GPC5: variants seen among roughly 807,000 people sequenced by gnomAD.
GPC5 encodes the protein glypican-5.
Under a neutral mutation model 53.9 loss-of-function variants are expected in GPC5, and 47 were observed. The observed-to-expected ratio is 0.87, with a 90% CI of 0.69 to 1.11. The LOEUF is 1.11. Among genes scored for constraint, GPC5 ranks in the 50% most tolerant of loss-of-function variants. The probability of loss-of-function intolerance (pLI) is 0.00; values close to 1 mark genes in which losing one functional copy is unlikely to be tolerated. For missense variants in GPC5, 748 were observed against 713.1 expected (o/e 1.05, Z -0.56); for synonymous variants, 286 against 263.3 (o/e 1.09, Z -0.84).
chr13:91,746,339 TA>T (rs540127314), intron 4 of GPC5, among the ~76,000 whole-genome samples: 13 of 151,346 alleles, frequency 8.6e-5, no homozygotes, highest in East Asian at 5.8e-4. Flanking sequence ...ACTTTAGGGG[TA>T]AAAAAAAATC....
intron 7 of GPC5, among the ~76,000 whole-genome samples, chr13:92,740,918 ATGTGCATATGTATGCATGTATGTGTG>A (rs1889068745): frequency 1.6e-5 from 2 of 125,014 alleles, no homozygotes; most frequent in East Asian, 2.5e-4. Flanking sequence ...ATATATATAT[ATGTGCATATGTATGCATGTATGTGTG>A]TATATATATG....
intron 7 of GPC5, among the ~76,000 whole-genome samples, chr13:92,798,248 G>A (rs1876774239): frequency 6.6e-6 from 1 of 151,736 alleles, no homozygotes; most frequent in African/African-American, 2.4e-5. Context: ...AAGACATATA[G>A]TTTATAAATG....
chr13:91,664,443 C>A (rs961208539), intron 2 of GPC5, among the ~76,000 whole-genome samples: 3 of 152,218 alleles, frequency 2.0e-5, no homozygotes, highest in Non-Finnish European at 2.9e-5. Context: ...CCACACATCA[C>A]CTCCATGACT....
At chr13:92,683,388 C>T (rs576895897) in intron 7 of GPC5, among the ~76,000 whole-genome samples, 67 of 152,216 alleles carry the variant, frequency 4.4e-4, no homozygotes, top group South Asian at 1.5e-3. Context: ...GCACACTAGT[C>T]ATGAAGAAAT....
intron 7 of GPC5, among the ~76,000 whole-genome samples, chr13:92,769,873 T>C (rs1875546872): frequency 6.6e-6 from 1 of 152,198 alleles, no homozygotes; most frequent in South Asian, 2.1e-4. Flanking sequence ...TTTATATGTT[T>C]GTCCTGTCTC....
intron 7 of GPC5, among the ~76,000 whole-genome samples, chr13:92,298,371 A>G (rs1399700534): frequency 6.6e-6 from 1 of 152,120 alleles, no homozygotes; most frequent in Non-Finnish European, 1.5e-5. Flanking sequence ...ATTGTTACAA[A>G]ATTCAACCGG....
chr13:92,339,553 G>A (rs1195497287), intron 7 of GPC5, among the ~76,000 whole-genome samples: 1 of 152,000 alleles, frequency 6.6e-6, no homozygotes, highest in Non-Finnish European at 1.5e-5. Context: ...GAACTAAATA[G>A]TATTATAACT....
intron 7 of GPC5, among the ~76,000 whole-genome samples, chr13:92,798,646 C>T (rs1876790872): frequency 1.3e-5 from 2 of 151,756 alleles, no homozygotes; most frequent in South Asian, 2.1e-4. Context: ...ATGTGTGTTT[C>T]GTACTAGAGA....
intron 6 of GPC5, among the ~76,000 whole-genome samples, chr13:92,139,275 C>T (rs1363159722): frequency 6.6e-6 from 1 of 152,130 alleles, no homozygotes; most frequent in Non-Finnish European, 1.5e-5. Context: ...TTTTATTTTG[C>T]TGTATAGTCA....
chr13:92,658,174 T>A (rs553692237), intron 7 of GPC5, among the ~76,000 whole-genome samples: 70 of 152,268 alleles, frequency 4.6e-4, no homozygotes, highest in Middle Eastern at 3.4e-3. Flanking sequence ...AATATCCCAA[T>A]ATTCATAATT....
rs979658466 is a variant in GPC5 at position 91,738,517 on chromosome 13, A to G, written c.1154+9852A>G. On this transcript the variant is annotated intron_variant, in intron 4 of 7. Transcript: ENST00000377067. Reference sequence around the variant, plus strand: ...ATCCTTTTGTATACAGAAACATACAATATCCTGAAGGTAGCTGGGCTTAAG... The same window carrying G: ...ATCCTTTTGTATACAGAAACATACAGTATCCTGAAGGTAGCTGGGCTTAAG... 6.6e-5 allele frequency among the ~76,000 whole-genome samples: 10 copies of G among 151,336 alleles called. 1 individual carries two copies. The highest frequency in any genetic ancestry group is 2.5e-4 in the African/African-American group (10 of 40,682).
intron 6 of GPC5, among the ~76,000 whole-genome samples, chr13:92,040,791 CTTTA>C (rs2040935787): frequency 6.6e-6 from 1 of 152,128 alleles, no homozygotes; most frequent in African/African-American, 2.4e-5. Context: ...TGTTTGGGGT[CTTTA>C]TTTAGAAGTT....
At chr13:92,526,774 G>T (rs73617185) in intron 7 of GPC5, among the ~76,000 whole-genome samples, 172 of 151,888 alleles carry the variant, frequency 1.1e-3, no homozygotes, top group African/African-American at 4.0e-3. Flanking sequence ...ACAAGTGAAA[G>T]ATTTGAAATG....
chr13:92,372,314 C>CA (rs1280316947), intron 7 of GPC5, among the ~76,000 whole-genome samples: 2 of 151,966 alleles, frequency 1.3e-5, no homozygotes, highest in African/African-American at 2.4e-5. Context: ...AAACTTTTAG[C>CA]AAAAAGTTTA....
intron 7 of GPC5, among the ~76,000 whole-genome samples, chr13:92,522,608 G>C (rs1226618174): frequency 6.6e-6 from 1 of 152,044 alleles, no homozygotes; most frequent in African/African-American, 2.4e-5. Flanking sequence ...TCACACACTG[G>C]GGCCTGTTGT....
rs553309811 is a variant in GPC5, at chr13:91,563,886, C to T, written c.325+114964C>T. 2.2e-4 allele frequency among the ~76,000 whole-genome samples: 33 copies of T among 152,114 alleles called. No homozygotes were observed. The South Asian group carries it at 3.5e-3, about 16-fold the overall frequency. On this transcript the variant is annotated intron_variant, in intron 2 of 7. Transcript: ENST00000377067. ...TGCTGCCAGCCTCCTCCCGGAGGAC[C>T]GGGGAGGAGGGTCTTACTAGTGTTC...
intron 2 of GPC5, among the ~76,000 whole-genome samples, chr13:91,463,170 C>T (rs1467255049): frequency 3.3e-5 from 5 of 152,026 alleles, no homozygotes; most frequent in African/African-American, 9.7e-5. Flanking sequence ...CAAATCCTCC[C>T]GTATACTTTA....
chr13:92,643,857 C>A (rs955584465), intron 7 of GPC5, among the ~76,000 whole-genome samples: 1 of 133,908 alleles, frequency 7.5e-6, no homozygotes. Flanking sequence ...TGCACATGTA[C>A]CCTAAAACTT....
intron 7 of GPC5, among the ~76,000 whole-genome samples, chr13:92,310,388 T>C (rs2043137641): frequency 6.6e-6 from 1 of 152,184 alleles, no homozygotes; most frequent in African/African-American, 2.4e-5. Context: ...TCTTTCATCA[T>C]ATTACTCAAT....
Sources: allele counts gnomAD v4.1 joint callset (sites outside exome capture counted in the v4.1 genomes callset), GRCh38; gene constraint gnomAD v4.1.1; transcripts MANE v1.5; gene names NCBI Gene and HGNC (gene_info 2026-07-23, HGNC 2026-07-21).